Variants in DHX15 observed in about 807,000 individuals in gnomAD.
DHX15 encodes ATP-dependent RNA helicase DHX15.
In DHX15, 11 loss-of-function variants were observed where a neutral mutation model predicts 94.4. The ratio of observed to expected loss-of-function variants is 0.12; its 90% CI spans 0.07 to 0.19. The LOEUF is 0.19. Among genes scored for constraint, DHX15 ranks in the 10% least tolerant of loss-of-function variants. The pLI is 1.00. For synonymous variants in DHX15, 338 were observed against 329.9 expected (o/e 1.02, Z -0.27); for missense variants, 304 against 988.5 (o/e 0.31, Z 9.29).
intron 6 of DHX15, among the ~76,000 whole-genome samples, chr4:24,544,840 T>C (rs1721388988): frequency 6.6e-6 from 1 of 152,166 alleles, no homozygotes; most frequent in Non-Finnish European, 1.5e-5. Flanking sequence ...AGGCCAGGCA[T>C]GGTGGCTCAC....
chr4:24,572,467 TA>T (rs1722144671), intron 2 of DHX15, among the ~76,000 whole-genome samples: 2 of 152,124 alleles, frequency 1.3e-5, no homozygotes, highest in African/African-American at 4.8e-5. Flanking sequence ...TTCACTCCGC[TA>T]AAATCAACAG....
At chr4:24,560,079 A>G (rs1263719619) in intron 3 of DHX15, among the ~76,000 whole-genome samples, 2 of 152,172 alleles carry the variant, frequency 1.3e-5, no homozygotes, top group African/African-American at 4.8e-5. Context: ...GCACATGTAG[A>G]TGGCGTAGTA....
intron 1 of DHX15, among the ~76,000 whole-genome samples, chr4:24,583,373 G>A (rs1224258288): frequency 6.6e-6 from 1 of 152,032 alleles, no homozygotes; most frequent in Non-Finnish European, 1.5e-5. Context: ...CACATGGGCG[G>A]TGTTTCGCCA....
rs769919262 is a variant in DHX15 at position 24,540,235 on chromosome 4, T to C, written c.1659A>G (p.Gly553=). The part of the protein sequence containing the change: ...LNYLAALNDD[G]DLTELGSMMA... ...TCATGGATCCCAATTCAGTCAGATC[T>C]CCATCATCATTTAAAGCAGCCAGGT... Residue 553 remains glycine, a synonymous_variant, in exon 10 of 14, where the codon GGA becomes GGG. Coordinates refer to ENST00000336812, the MANE Select transcript of DHX15 (RefSeq NM_001358.3). 3.7e-5 allele frequency: 60 copies of C among 1,613,424 alleles called. No individual in the cohort carries two copies. The highest frequency in any genetic ancestry group is 8.3e-5 in the Admixed American group (5 of 59,964).
chr4:24,566,009 T>C (rs1397991735), intron 3 of DHX15, among the ~76,000 whole-genome samples: 1 of 151,774 alleles, frequency 6.6e-6, no homozygotes, highest in Non-Finnish European at 1.5e-5. Flanking sequence ...TGCTCTAGGA[T>C]CTATTTCCTT....
chr4:24,536,009 A>T (rs979600440), intron 11 of DHX15, among the ~76,000 whole-genome samples: 6 of 149,298 alleles, frequency 4.0e-5, no homozygotes, highest in East Asian at 1.9e-4. Context: ...GCTATCAGTT[A>T]AAAAAAAAAT....
intron 12 of DHX15, 123 bp from the exon 13 acceptor site, chr4:24,529,893 T>TAAA: frequency 1.0e-6 from 1 of 985,426 alleles, no homozygotes; most frequent in Middle Eastern, 2.3e-4. Flanking sequence ...TATACTTATT[T>TAAA]ATCACTGTCT....
chr4:24,535,842 G>A (rs895420396), intron 11 of DHX15, among the ~76,000 whole-genome samples: 5 of 152,104 alleles, frequency 3.3e-5, no homozygotes, highest in African/African-American at 1.2e-4. Flanking sequence ...GAGTATAACT[G>A]AGATGTTTAT....
intron 3 of DHX15, among the ~76,000 whole-genome samples, chr4:24,568,622 C>A (rs565069626): frequency 7.2e-5 from 11 of 152,324 alleles, no homozygotes; most frequent in African/African-American, 2.6e-4. Flanking sequence ...TACACATACA[C>A]ACAGCACCAA....
chr4:24,579,500 G>A (rs189815782), intron 1 of DHX15, among the ~76,000 whole-genome samples: 46 of 152,310 alleles, frequency 3.0e-4, no homozygotes, highest in African/African-American at 1.0e-3. Flanking sequence ...TATCAAGTCA[G>A]TGCTTCAGAC....
At chr4:24,528,300 T>C (rs912868946) in intron 13 of DHX15, among the ~76,000 whole-genome samples, 4 of 152,218 alleles carry the variant, frequency 2.6e-5, no homozygotes, top group Admixed American at 2.6e-4. Flanking sequence ...GATACATTAA[T>C]GTAAAGATAA....
chr4:24,580,982 GTCATA>G (rs907072930), intron 1 of DHX15: 4 of 151,750 alleles, frequency 2.6e-5, no homozygotes, highest in African/African-American at 9.7e-5. Flanking sequence ...AATAAGTGAT[GTCATA>G]CCTTTACAAC....
At chr4:24,530,251 G>T in intron 12 of DHX15, 1 of 168,870 alleles carries the variant, frequency 5.9e-6, no homozygotes, top group Non-Finnish European at 1.2e-5. Flanking sequence ...CTTCAGCACT[G>T]GGCGCCAACT....
chr4:24,584,287 C>G (rs773122062), intron 1 of DHX15, 36 bp downstream of exon 1: 13 of 1,594,962 alleles, frequency 8.2e-6, no homozygotes, highest in Non-Finnish European at 1.0e-5. Flanking sequence ...CCCAACAAAG[C>G]CCGAGCTGCC....
At chr4:24,546,000 T>G (rs1226186659) in intron 6 of DHX15, among the ~76,000 whole-genome samples, 3 of 152,182 alleles carry the variant, frequency 2.0e-5, no homozygotes, top group Non-Finnish European at 4.4e-5. Context: ...CTCACTTTTT[T>G]TCTAATAGAA....
At chr4:24,557,033 A>G (rs1721753141) in intron 3 of DHX15, among the ~76,000 whole-genome samples, 1 of 152,200 alleles carries the variant, frequency 6.6e-6, no homozygotes, top group South Asian at 2.1e-4. Context: ...AATGGAAGAT[A>G]AAAACAAATG....
chr4:24,547,885 C>A lies in DHX15; in HGVS notation c.1248+970G>T, dbSNP rs1422909385. ...TGTCTCTCTCTCTCTCTCTCTCTCT[C>A]TCTCTATGTATGTATGTGTATATAT... On this transcript the variant is annotated intron_variant, in intron 6 of 13. Coordinates refer to ENST00000336812, the MANE Select transcript of DHX15 (RefSeq NM_001358.3). 3.9e-3 allele frequency among the ~76,000 whole-genome samples: 47 copies of A among 12,198 alleles called. 1 individual carries two copies. Among genetic ancestry groups the A allele is most frequent in the Non-Finnish European group, 5.7e-3 (19 of 3,336 alleles). The allele number at this position is 12,198 out of a possible 152,430, so 8.0% of individuals were successfully genotyped here.
At chr4:24,577,848 T>C (rs568573112) in intron 1 of DHX15, among the ~76,000 whole-genome samples, 1 of 152,288 alleles carries the variant, frequency 6.6e-6, no homozygotes, top group South Asian at 2.1e-4. Flanking sequence ...ACCAAGTCCA[T>C]CAGCAGAGAA....
At chr4:24,559,080 G>A (rs1002167701) in intron 3 of DHX15, among the ~76,000 whole-genome samples, 6 of 152,006 alleles carry the variant, frequency 3.9e-5, no homozygotes, top group Non-Finnish European at 5.9e-5. Flanking sequence ...AGACAAGATC[G>A]CCCTGAATTT....
Sources: gnomAD v4.1 joint callset for allele counts (sites outside exome capture counted in the v4.1 genomes callset) on GRCh38, gnomAD v4.1.1 for gene constraint, MANE v1.5 for transcripts, NCBI Gene and HGNC (gene_info 2026-07-23, HGNC 2026-07-21) for gene names.